Variants in TECPR2 observed in about 807,000 individuals in gnomAD.
TECPR2 encodes tectonin beta-propeller repeat-containing protein 2.
Under a neutral mutation model 138.1 loss-of-function variants are expected in TECPR2, and 65 were observed. The ratio of observed to expected loss-of-function variants is 0.47; its 90% confidence interval spans 0.39 to 0.58. The LOEUF (loss-of-function observed/expected upper bound fraction) is 0.58, where lower values mean the gene tolerates loss of function less well. TECPR2 is among the 20% of genes least tolerant of loss of function. The pLI, the probability that TECPR2 is intolerant of heterozygous loss-of-function variation, is 0.00. For synonymous variants in TECPR2, 746 were observed against 749.8 expected, an observed-to-expected ratio of 0.99 and a Z score of 0.08; for missense variants, 1,553 against 1,824.5, an observed-to-expected ratio of 0.85 and a Z score of 2.71.
At chr14:102,472,024 A>C (rs140041132) in intron 17 of TECPR2, among the ~76,000 whole-genome samples, 1 of 152,232 alleles carries the variant, frequency 6.6e-6, no homozygotes, top group African/African-American at 2.4e-5. Flanking sequence ...GTGCAGAGGC[A>C]GGCTGCTGAG....
At chr14:102,452,372 C>A (rs757778418) in intron 15 of TECPR2, 22 bp from the exon 16 acceptor site, 2 of 1,594,564 alleles carry the variant, frequency 1.3e-6, no homozygotes, top group Non-Finnish European at 8.6e-7. Context: ...ACCTCGATGA[C>A]AAACATGACC....
chr14:102,368,638 G>T (rs1349478251), intron 1 of TECPR2, among the ~76,000 whole-genome samples: 2 of 151,512 alleles, frequency 1.3e-5, no homozygotes, highest in Non-Finnish European at 2.9e-5. Context: ...TTTGTCGGTG[G>T]TGTGGATTAG....
At chr14:102,487,836 C>G (rs1375957069) in intron 17 of TECPR2, among the ~76,000 whole-genome samples, 1 of 148,916 alleles carries the variant, frequency 6.7e-6, no homozygotes, top group African/African-American at 2.4e-5. Flanking sequence ...CCACCACGCC[C>G]GGCCTGTTTG....
At chr14:102,480,310 C>T (rs1273620112) in intron 17 of TECPR2, among the ~76,000 whole-genome samples, 1 of 151,624 alleles carries the variant, frequency 6.6e-6, no homozygotes, top group Non-Finnish European at 1.5e-5. Context: ...CTGCAAGCTC[C>T]ACCTCCCGGG....
At chr14:102,491,470 T>G (rs1284451784) in intron 17 of TECPR2, among the ~76,000 whole-genome samples, 1 of 152,226 alleles carries the variant, frequency 6.6e-6, no homozygotes, top group Non-Finnish European at 1.5e-5. Context: ...CTCCTTAGTC[T>G]TCCAAAGTGC....
At chr14:102,414,848 G>T (rs1483634924) in intron 5 of TECPR2, 55 bp downstream of exon 5, 4 of 1,589,306 alleles carry the variant, frequency 2.5e-6, no homozygotes, top group Non-Finnish European at 3.4e-6. Context: ...GTTGTAGAAG[G>T]TGCTTTAGGG....
chr14:102,493,981 G>T (rs1457189708), intron 17 of TECPR2, among the ~76,000 whole-genome samples: 1 of 152,138 alleles, frequency 6.6e-6, no homozygotes, highest in Non-Finnish European at 1.5e-5. Flanking sequence ...CAACCCTAAT[G>T]CCACCTCCTC....
At chr14:102,378,150 T>G (rs1432982101) in intron 2 of TECPR2, among the ~76,000 whole-genome samples, 1 of 152,224 alleles carries the variant, frequency 6.6e-6, no homozygotes, top group Admixed American at 6.5e-5. Context: ...GAGTTGTGGC[T>G]TCCACCACAT....
chr14:102,434,434 G>A lies in TECPR2; in HGVS notation c.1617G>A (p.Gln539=), dbSNP rs1359692719. The stretch of plus-strand genomic sequence containing the variant: ...ATGGTGAAGTGAACGGTGTCCCACA[G>A]GAAAATACTGACCCCGAAACGTTTA... The part of the protein sequence containing the change: ...SFNGEVNGVP[Q]ENTDPETFNV... The change falls in exon 9 of 20, where the codon CAG becomes CAA. Residue 539 remains glutamine (Q), a synonymous_variant. Coordinates refer to ENST00000359520, the MANE Select transcript of TECPR2 (RefSeq NM_014844.5). The A allele has an allele frequency of 6.5e-7, 1 of 1,534,770 alleles. No individual in the cohort carries two copies. The highest frequency in any genetic ancestry group is 1.4e-5 in the African/African-American group (1 of 72,370).
chr14:102,410,519 C>T (rs1354992292), intron 4 of TECPR2, among the ~76,000 whole-genome samples: 1 of 150,604 alleles, frequency 6.6e-6, no homozygotes, highest in South Asian at 2.1e-4. Context: ...ACACACCTCA[C>T]CAAGCTCAGC....
chr14:102,421,036 C>T (rs1261084676), intron 5 of TECPR2, among the ~76,000 whole-genome samples: 3 of 152,184 alleles, frequency 2.0e-5, no homozygotes, highest in Non-Finnish European at 4.4e-5. Context: ...TTACCCAGAG[C>T]ATCAAACACG....
In TECPR2 at chr14:102,434,766, T is replaced by C; in HGVS notation, c.1949T>C (p.Val650Ala). 6.2e-7 allele frequency: 1 copy of C among 1,613,454 alleles called. No homozygotes were observed. ...CEVPLLNSLT[V>A]PSSLSWAPSA... The stretch of plus-strand genomic sequence containing the variant: ...GTCCCCCTCCTGAACTCACTCACTG[T>C]GCCTTCCAGCCTCAGCTGGGCCCCA... Residue 650 changes from valine (V) to alanine (A), a missense_variant, in exon 9 of 20, where the codon GTG (valine) becomes GCG (alanine). Coordinates refer to ENST00000359520, the MANE Select transcript of TECPR2 (RefSeq NM_014844.5).
At chr14:102,366,817 A>G (rs1048245674) in intron 1 of TECPR2, among the ~76,000 whole-genome samples, 2 of 152,220 alleles carry the variant, frequency 1.3e-5, no homozygotes, top group East Asian at 1.9e-4. Context: ...TGATTTTTAA[A>G]TGGTTTAGCA....
At chr14:102,382,810 G>C (rs929036178) in intron 2 of TECPR2, among the ~76,000 whole-genome samples, 2 of 151,854 alleles carry the variant, frequency 1.3e-5, no homozygotes, top group African/African-American at 4.8e-5. Context: ...CCAGGCTGGA[G>C]TGCAATGGTG....
At chr14:102,439,761 C>T (rs1057209139) in intron 10 of TECPR2, among the ~76,000 whole-genome samples, 1 of 152,234 alleles carries the variant, frequency 6.6e-6, no homozygotes, top group African/African-American at 2.4e-5. Context: ...GACAGGCCCT[C>T]TAGTCCAGCC....
intron 2 of TECPR2, among the ~76,000 whole-genome samples, chr14:102,394,983 T>C (rs1270779606): frequency 1.3e-5 from 2 of 152,198 alleles, no homozygotes; most frequent in Admixed American, 1.3e-4. Flanking sequence ...CTAATCGTGT[T>C]TGTCAGAAAT....
At chr14:102,437,503 G>A (rs12147156) in intron 9 of TECPR2, among the ~76,000 whole-genome samples, 2 of 151,918 alleles carry the variant, frequency 1.3e-5, no homozygotes, top group Admixed American at 6.6e-5. Context: ...GCAGTGAGCC[G>A]AGATTGTGCC....
chr14:102,443,838 G>T lies in TECPR2; in HGVS notation c.2933+11G>T. 3 of 1,551,928 alleles carry T rather than the reference G, an allele frequency of 1.9e-6. No homozygotes were observed. Among genetic ancestry groups the T allele is most frequent in the Non-Finnish European group, 2.6e-6 (3 of 1,138,586 alleles). On this transcript the variant is annotated intron_variant, in intron 12 of 19. Transcript: ENST00000359520. This position sits in a 1 kb window ranked among gnomAD's most constrained non-coding sequence, Gnocchi z 4.9. The stretch of plus-strand genomic sequence containing the variant: ...GTGTGACATTGTCAGGTACTGGCGG[G>T]CCAGAGACTCCTTTCACATCGTGCT...
Position 102,414,666 on chromosome 14 carries a change from G to GAGCC in TECPR2, c.513_516dup (p.Ser173AlafsTer10), listed in dbSNP as rs752214557. 1 of 1,614,234 alleles carries GAGCC rather than the reference G, an allele frequency of 6.2e-7. No homozygotes were observed. The highest frequency in any genetic ancestry group is 1.1e-5 in the South Asian group (1 of 91,090). On this transcript the variant is annotated frameshift_variant, in exon 5 of 20. Transcript: ENST00000359520. LOFTEE classifies it high-confidence loss of function. ...CTGTAACTCCCAGCTGGTGTTGGAG[G>GAGCC]AGCCATCTTCCATTGTGCAGCTGGA...
Sources: allele counts gnomAD v4.1 joint callset (sites outside exome capture counted in the v4.1 genomes callset), GRCh38; gene constraint gnomAD v4.1.1; non-coding constraint Gnocchi (gnomAD v3.1); transcripts MANE v1.5; gene names NCBI Gene and HGNC (gene_info 2026-07-23, HGNC 2026-07-21).